Variants in WIPF3 observed in about 807,000 individuals in gnomAD.
WIPF3 encodes WAS/WASL-interacting protein family member 3.
WIPF3 carries 33 observed loss-of-function variants against 38.9 expected under a neutral mutation model. The ratio of observed to expected loss-of-function variants is 0.85; its 90% CI spans 0.64 to 1.14. WIPF3 has a LOEUF of 1.14. Among genes scored for constraint, WIPF3 ranks in the 50% most tolerant of loss-of-function variants. The pLI is 0.00. For missense variants in WIPF3, 711 were observed against 652.5 expected (o/e 1.09, Z -0.98); for synonymous variants, 324 against 269.3 (o/e 1.20, Z -1.99).
intron 7 of WIPF3, among the ~76,000 whole-genome samples, chr7:29,896,293 G>T (rs1472516303): frequency 5.9e-5 from 1 of 16,886 alleles, no homozygotes; most frequent in African/African-American, 1.2e-4. Flanking sequence ...ATCCTCTCTA[G>T]CCTGCGCAAC....
chr7:29,867,679 A>T (rs1264097605), intron 2 of WIPF3, among the ~76,000 whole-genome samples: 2 of 150,284 alleles, frequency 1.3e-5, no homozygotes, highest in Non-Finnish European at 2.9e-5. Flanking sequence ...GCCTGAGAAT[A>T]TTGGCATCAT....
chr7:29,828,527 A>T (rs1271243363), intron 1 of WIPF3, among the ~76,000 whole-genome samples: 1 of 152,194 alleles, frequency 6.6e-6, no homozygotes, highest in African/African-American at 2.4e-5. Flanking sequence ...TTTAAATTAC[A>T]TACCCAGATT....
chr7:29,897,338 AT>A (rs2128079183), intron 7 of WIPF3, among the ~76,000 whole-genome samples: 1 of 152,328 alleles, frequency 6.6e-6, no homozygotes, highest in African/African-American at 2.4e-5. Flanking sequence ...CCAAAGTAGA[AT>A]TGCTGGATCG....
chr7:29,851,411 A>G (rs370197053), intron 2 of WIPF3, among the ~76,000 whole-genome samples: 44 of 152,194 alleles, frequency 2.9e-4, no homozygotes, highest in East Asian at 2.7e-3. Context: ...GAATCTTTTC[A>G]ATGGAATCAT....
Position 29,884,581 on chromosome 7 carries a change from C to T in WIPF3, c.1087C>T (p.His363Tyr), listed in dbSNP as rs762281137. 2 of 1,604,936 alleles carry T rather than the reference C, an allele frequency of 1.2e-6. No individual in the cohort carries two copies. Among genetic ancestry groups the T allele is most frequent in the Non-Finnish European group, 1.7e-6 (2 of 1,177,026 alleles). ...CCAGCCGTTCCTGCAGAAGAAGAGGCATGGCCGACCAGGTAAGGAGCGCTG... is the reference window on the plus strand; with the variant it reads ...CCAGCCGTTCCTGCAGAAGAAGAGGTATGGCCGACCAGGTAAGGAGCGCTG... ...GSQPFLQKKR[H>Y]GRPGAGGGKL... Residue 363 changes from histidine to tyrosine, a missense_variant, in exon 5 of 9, where the codon CAT (histidine) becomes TAT (tyrosine). Physicochemically the swap from His to Tyr is moderately conservative, Grantham distance 83. Transcript: ENST00000242140.
chr7:29,860,366 G>C (rs1479935669), intron 2 of WIPF3, among the ~76,000 whole-genome samples: 1 of 152,210 alleles, frequency 6.6e-6, no homozygotes, highest in South Asian at 2.1e-4. Flanking sequence ...CCATGAGTTC[G>C]TTCTTGCTGT....
chr7:29,872,753 G>T (rs886652923), intron 2 of WIPF3, among the ~76,000 whole-genome samples: 1 of 131,508 alleles, frequency 7.6e-6, no homozygotes, highest in Non-Finnish European at 1.5e-5. Flanking sequence ...CCGAGATCGC[G>T]CCGCCACTGC....
intron 3 of WIPF3, among the ~76,000 whole-genome samples, chr7:29,877,505 A>G (rs776342377): frequency 1.3e-5 from 2 of 152,072 alleles, no homozygotes; most frequent in African/African-American, 2.4e-5. Context: ...TGAACACATT[A>G]TTTTTTTGCT....
At chr7:29,839,200 C>T (rs889173847) in intron 2 of WIPF3, among the ~76,000 whole-genome samples, 1 of 152,058 alleles carries the variant, frequency 6.6e-6, no homozygotes. Context: ...TATAGAAATA[C>T]GTTAAACTGT....
rs1409219809 is a variant in WIPF3 at position 29,888,059 on chromosome 7, C to T, written c.1100-9C>T. The T allele has an allele frequency of 6.2e-7, 1 of 1,613,766 alleles. No homozygotes were observed. The highest frequency in any genetic ancestry group is 1.3e-5 in the African/African-American group (1 of 74,928). ...GTGTTTCTGAGTACACCATCATCTT[C>T]TCTGTAAGGGGCCGGTGGGGGAAAG... On this transcript the variant is annotated splice_polypyrimidine_tract_variant and intron_variant, in intron 5 of 8. Coordinates refer to ENST00000242140, the MANE Select transcript of WIPF3 (RefSeq NM_001080529.3).
At chr7:29,818,459 A>C (rs1784488713) in intron 1 of WIPF3, among the ~76,000 whole-genome samples, 1 of 150,706 alleles carries the variant, frequency 6.6e-6, no homozygotes, top group Admixed American at 6.6e-5. Flanking sequence ...TCTCAAAAAA[A>C]ATAATTAAAA....
Position 29,904,323 on chromosome 7 carries a change from C to T in WIPF3, c.1389C>T (p.Val463=), listed in dbSNP as rs61756680. The stretch of plus-strand genomic sequence containing the variant: ...GTCCCTGGCTCCAAGCGGAAGCAGT[C>T]GGGCAGAGCTCTGATGACATCAAAG... ...TPGPWLQAEA[V]GQSSDDIKGR... is the part of the protein sequence containing the mutation. Residue 463 remains valine (V), a synonymous_variant, in exon 8 of 9, where the codon GTC becomes GTT. Transcript: ENST00000242140. 1,244 of 1,613,894 alleles carry T rather than the reference C, an allele frequency of 7.7e-4. 7 individuals are homozygous for T. The African/African-American group carries it at 0.016, about 20-fold the overall frequency.
In WIPF3 at chr7:29,915,002, C is replaced by T. The variant is rs966180574; in HGVS notation, c.*486C>T. ...GCAGCTCAGAGGAAGTAGCGTGTCC[C>T]CCACACCCAGACAGTGCCGCGCAGC... is the stretch of plus-strand genomic sequence containing the variant. On this transcript the variant is annotated 3_prime_UTR_variant, in exon 9 of 9. Coordinates refer to ENST00000242140, the MANE Select transcript of WIPF3 (RefSeq NM_001080529.3). 2 of 152,140 alleles carry T rather than the reference C, an allele frequency of 1.3e-5. No homozygotes were observed. The highest frequency in any genetic ancestry group is 6.6e-5 in the Admixed American group (1 of 15,246). The allele number at this position is 152,140 out of a possible 1,614,324, so 9.4% of individuals were successfully genotyped here.
chr7:29,829,102 T>A (rs1784674984), intron 1 of WIPF3, among the ~76,000 whole-genome samples: 1 of 152,016 alleles, frequency 6.6e-6, no homozygotes, highest in African/African-American at 2.4e-5. Flanking sequence ...AAAAATAAGA[T>A]CACTTCCACC....
chr7:29,904,004 G>A (rs180855365), intron 7 of WIPF3, among the ~76,000 whole-genome samples: 165 of 152,258 alleles, frequency 1.1e-3, no homozygotes, highest in Non-Finnish European at 1.6e-3. Flanking sequence ...TGTGGATAAT[G>A]GATGAGCATC....
chr7:29,829,788 G>A (rs1243226350), intron 1 of WIPF3, among the ~76,000 whole-genome samples: 1 of 152,192 alleles, frequency 6.6e-6, no homozygotes, highest in African/African-American at 2.4e-5. Context: ...GCTGTATTCG[G>A]GCCTCGCGTG....
intron 1 of WIPF3, among the ~76,000 whole-genome samples, chr7:29,832,145 C>G (rs546765588): frequency 1.3e-5 from 2 of 152,282 alleles, no homozygotes; most frequent in East Asian, 3.9e-4. Context: ...AATGAGACCT[C>G]TAGATATTCT....
intron 7 of WIPF3, among the ~76,000 whole-genome samples, chr7:29,891,200 AGGGGGCGAGGGCCTGCCCTGTGCT>A (rs1562788097): frequency 1.5e-5 from 1 of 64,952 alleles, no homozygotes; most frequent in African/African-American, 5.9e-5. Flanking sequence ...GCTCAGGTGG[AGGGGGCGAGGGCCTGCCCTGTGCT>A]CAGGTGGAGG....
At chr7:29,829,333 C>G (rs1368526756) in intron 1 of WIPF3, among the ~76,000 whole-genome samples, 1 of 151,686 alleles carries the variant, frequency 6.6e-6, no homozygotes, top group Non-Finnish European at 1.5e-5. Context: ...CCACCTCAGC[C>G]AGCCTCCCAA....
Sources: allele counts gnomAD v4.1 joint callset (sites outside exome capture counted in the v4.1 genomes callset), GRCh38; gene constraint gnomAD v4.1.1; transcripts MANE v1.5; gene names NCBI Gene and HGNC (gene_info 2026-07-23, HGNC 2026-07-21).